POU6F2: variants seen among roughly 807,000 people sequenced by gnomAD.
POU6F2 encodes the protein POU class 6 homeobox 2.
POU6F2 carries 31 observed loss-of-function variants against 71.3 expected under a neutral mutation model. That is an observed-to-expected ratio of 0.43 (90% confidence interval 0.33 to 0.59). POU6F2 has a LOEUF of 0.59. POU6F2 is among the 20% of genes least tolerant of loss of function. POU6F2 has a pLI of 0.04. For missense variants in POU6F2, 783 were observed against 856.8 expected, an observed-to-expected ratio of 0.91 and a Z score of 1.07; for synonymous variants, 347 against 355.7, an observed-to-expected ratio of 0.98 and a Z score of 0.27.
intron 8 of POU6F2, among the ~76,000 whole-genome samples, chr7:39,459,797 A>G (rs577118357): frequency 3.8e-4 from 57 of 151,904 alleles, no homozygotes; most frequent in East Asian, 1.7e-3. Flanking sequence ...CCAGGGGGGG[A>G]AAAGTTTCAT....
intron 4 of POU6F2, among the ~76,000 whole-genome samples, chr7:39,301,573 T>C (rs1178727400): frequency 6.6e-6 from 1 of 152,248 alleles, no homozygotes; most frequent in Non-Finnish European, 1.5e-5. Flanking sequence ...CATTAAACTT[T>C]ATGTGGTCAG....
intron 2 of POU6F2, among the ~76,000 whole-genome samples, chr7:39,126,288 C>T (rs997071494): frequency 2.6e-5 from 4 of 152,184 alleles, no homozygotes; most frequent in African/African-American, 7.2e-5. Context: ...AAAGTGGAGG[C>T]AAACTTTGGT....
intron 4 of POU6F2, among the ~76,000 whole-genome samples, chr7:39,263,761 T>A (rs1227433111): frequency 6.6e-6 from 1 of 152,204 alleles, no homozygotes; most frequent in Non-Finnish European, 1.5e-5. Context: ...AGCATTTTTT[T>A]ATTGTCTATT....
At chr7:39,311,722 C>T (rs920482881) in intron 4 of POU6F2, among the ~76,000 whole-genome samples, 5 of 151,848 alleles carry the variant, frequency 3.3e-5, no homozygotes, top group Admixed American at 2.0e-4. Context: ...AAGCCACAGG[C>T]GAAGGCTGTG....
chr7:39,282,066 A>G (rs1784572648), intron 4 of POU6F2, among the ~76,000 whole-genome samples: 1 of 152,034 alleles, frequency 6.6e-6, no homozygotes. Context: ...TTTTTCATAT[A>G]CAGGTTGGCC....
At position 39,236,774 on chromosome 7, in the gene POU6F2, GA is replaced by G. The variant is rs535915335; in HGVS notation, c.598+29163del. ...ACAAAGGGAAACTACCCAACTCACAGAAAAAAAAAGATCTTCAAGTAAATTG... is the reference window on the plus strand; with the variant it reads ...ACAAAGGGAAACTACCCAACTCACAGAAAAAAAAGATCTTCAAGTAAATTG... On this transcript the variant is annotated intron_variant, in intron 4 of 9. Transcript: ENST00000518318. Among the ~76,000 whole-genome samples, 41 of 149,920 alleles carry G rather than the reference GA, an allele frequency of 2.7e-4. No homozygotes were observed. The Middle Eastern group carries it at 0.01, about 38-fold the overall frequency.
chr7:39,202,418 TA>T (rs549610914), intron 2 of POU6F2, among the ~76,000 whole-genome samples: 1 of 152,236 alleles, frequency 6.6e-6, no homozygotes, highest in Non-Finnish European at 1.5e-5. Context: ...TAGTCTGGTA[TA>T]AAAACCCATG....
At chr7:39,311,212 C>T (rs1384466606) in intron 4 of POU6F2, among the ~76,000 whole-genome samples, 1 of 151,762 alleles carries the variant, frequency 6.6e-6, no homozygotes, top group African/African-American at 2.4e-5. Context: ...CAAGGAGAAC[C>T]CATTCACACT....
intron 2 of POU6F2, among the ~76,000 whole-genome samples, chr7:39,173,413 T>G (rs961892207): frequency 2.0e-5 from 3 of 152,248 alleles, no homozygotes; most frequent in Admixed American, 2.0e-4. Context: ...GGAATAGTCA[T>G]AGTAACTATT....
chr7:39,085,854 T>A lies in POU6F2; in HGVS notation c.106-6T>A. On this transcript the variant is annotated splice_polypyrimidine_tract_variant and splice_region_variant and intron_variant, in intron 1 of 9. Coordinates refer to ENST00000518318, the MANE Select transcript of POU6F2 (RefSeq NM_001370959.1). ...TCCTCCCCTTCACTCTTTTCGCCCA[T>A]CCTAGGATCCAATGATAGCTGGACA... 6.2e-7 allele frequency: 1 copy of A among 1,612,958 alleles called. No homozygotes were observed. The highest frequency in any genetic ancestry group is 8.5e-7 in the Non-Finnish European group (1 of 1,179,532).
chr7:39,002,382 C>T (rs190735486), intron 1 of POU6F2, among the ~76,000 whole-genome samples: 1 of 152,174 alleles, frequency 6.6e-6, no homozygotes, highest in South Asian at 2.1e-4. Flanking sequence ...GGGTCTCACT[C>T]TGTTGCCCAA....
In POU6F2 at chr7:39,451,577, A is replaced by G; in HGVS notation, c.1365A>G (p.Gln455=). The change falls in exon 8 of 10, where the codon CAA becomes CAG. Residue 455 remains glutamine (Q), a synonymous_variant. Coordinates refer to ENST00000518318, the MANE Select transcript of POU6F2 (RefSeq NM_001370959.1). ...CGTCAGTGGGTCAAGCAGCCTCCCA[A>G]GGCAACCTTCTGCACCTGGCTCACA... is the stretch of plus-strand genomic sequence containing the variant. ...SQTSVGQAAS[Q]GNLLHLAHSQ... 3.7e-6 allele frequency: 6 copies of G among 1,613,740 alleles called. No homozygotes were observed. The highest frequency in any genetic ancestry group is 5.1e-6 in the Non-Finnish European group (6 of 1,179,828).
chr7:39,446,442 G>C (rs910746045), intron 7 of POU6F2, among the ~76,000 whole-genome samples: 1 of 152,170 alleles, frequency 6.6e-6, no homozygotes, highest in African/African-American at 2.4e-5. Flanking sequence ...CAAGACACTT[G>C]CCACCCCACT....
chr7:39,414,763 A>C (rs1787637840), intron 6 of POU6F2, among the ~76,000 whole-genome samples: 2 of 131,266 alleles, frequency 1.5e-5, no homozygotes, highest in African/African-American at 5.7e-5. Flanking sequence ...CTTTAGGGTT[A>C]ACTTAAAGAA....
intron 7 of POU6F2, among the ~76,000 whole-genome samples, chr7:39,444,413 G>A (rs766235337): frequency 6.6e-5 from 10 of 152,194 alleles, no homozygotes; most frequent in Non-Finnish European, 1.2e-4. Flanking sequence ...GTGAAACCCC[G>A]TCTCTACTAA....
chr7:39,084,618 G>C (rs1460200612), intron 1 of POU6F2, among the ~76,000 whole-genome samples: 2 of 152,118 alleles, frequency 1.3e-5, no homozygotes, highest in Non-Finnish European at 2.9e-5. Flanking sequence ...GACTAAAGAA[G>C]TGCATTTGAT....
At chr7:39,339,530 A>T (rs1785861943) in intron 4 of POU6F2, 112 bp from the exon 5 acceptor site, 3 of 1,392,890 alleles carry the variant, frequency 2.2e-6, no homozygotes, top group Non-Finnish European at 2.8e-6. Context: ...GGGGGCAAGG[A>T]CAAGAATTTT....
intron 1 of POU6F2, among the ~76,000 whole-genome samples, chr7:39,046,356 T>C (rs1174343927): frequency 2.0e-5 from 3 of 151,944 alleles, no homozygotes; most frequent in Non-Finnish European, 2.9e-5. Flanking sequence ...AAGCACTTTG[T>C]CGGAAATCTG....
chr7:39,127,271 G>C (rs1003482099), intron 2 of POU6F2, among the ~76,000 whole-genome samples: 2 of 152,144 alleles, frequency 1.3e-5, no homozygotes, highest in Non-Finnish European at 2.9e-5. Flanking sequence ...CACAGCATAA[G>C]ACAGACATGG....
Sources: gnomAD v4.1 joint callset for allele counts (sites outside exome capture counted in the v4.1 genomes callset) on GRCh38, gnomAD v4.1.1 for gene constraint, MANE v1.5 for transcripts, NCBI Gene and HGNC (gene_info 2026-07-23, HGNC 2026-07-21) for gene names.